The following THSD7B variants were observed in gnomAD, a reference collection of about 807,000 sequenced individuals.
THSD7B encodes thrombospondin type 1 domain containing 7B.
THSD7B carries 138 observed loss-of-function variants against 213.6 expected under a neutral mutation model. That is an observed-to-expected ratio of 0.65 (90% CI 0.56 to 0.74). The LOEUF is 0.74. THSD7B is among the 30% of genes least tolerant of loss of function. The pLI is 0.00. For missense variants in THSD7B, 1,931 were observed against 1,991.5 expected, an observed-to-expected ratio of 0.97 and a Z score of 0.58; for synonymous variants, 742 against 687.0, an observed-to-expected ratio of 1.08 and a Z score of -1.25.
chr2:136,935,173 TG>T (rs1684701327), intron 2 of THSD7B, among the ~76,000 whole-genome samples: 1 of 152,220 alleles, frequency 6.6e-6, no homozygotes, highest in Admixed American at 6.5e-5. Context: ...CCTTTTTTTC[TG>T]TGTTCAAATT....
intron 12 of THSD7B, among the ~76,000 whole-genome samples, chr2:137,319,501 T>G (rs900768317): frequency 1.3e-5 from 2 of 152,226 alleles, no homozygotes; most frequent in Non-Finnish European, 2.9e-5. Flanking sequence ...TGTCACACTA[T>G]TTATGTTCCC....
intron 5 of THSD7B, among the ~76,000 whole-genome samples, chr2:137,119,812 T>C (rs532266166): frequency 3.6e-4 from 55 of 152,298 alleles, no homozygotes; most frequent in African/African-American, 1.3e-3. Flanking sequence ...TCATATCCTA[T>C]GTGTAAATGT....
chr2:137,604,303 G>T (rs1356479658), intron 17 of THSD7B, among the ~76,000 whole-genome samples: 4 of 151,934 alleles, frequency 2.6e-5, no homozygotes, highest in African/African-American at 9.7e-5. Context: ...TCCTCTCTTT[G>T]AGCTATGTGA....
At chr2:137,645,839 T>C (rs1023453483) in intron 21 of THSD7B, among the ~76,000 whole-genome samples, 3 of 152,210 alleles carry the variant, frequency 2.0e-5, no homozygotes, top group Non-Finnish European at 2.9e-5. Context: ...TAGACAATTC[T>C]GCAATGAATC....
chr2:137,282,590 A>T (rs1302040584), intron 12 of THSD7B, among the ~76,000 whole-genome samples: 1 of 152,160 alleles, frequency 6.6e-6, no homozygotes, highest in East Asian at 1.9e-4. Flanking sequence ...TATAAGGTGT[A>T]AGGAAGGGAT....
chr2:137,484,123 C>A (rs1449862594), intron 15 of THSD7B, among the ~76,000 whole-genome samples: 1 of 150,000 alleles, frequency 6.7e-6, no homozygotes, highest in Non-Finnish European at 1.5e-5. Flanking sequence ...GCACCCATTA[C>A]CTCGTCATTT....
chr2:137,109,755 T>TTGCTCACCTGC (rs145636483), intron 4 of THSD7B, among the ~76,000 whole-genome samples: 3 of 151,646 alleles, frequency 2.0e-5, no homozygotes, highest in Non-Finnish European at 4.4e-5. Context: ...GAAGCTTCAC[T>TTGCTCACCTGC]TGCTCACCTG....
chr2:136,946,489 T>C (rs514543), intron 2 of THSD7B, among the ~76,000 whole-genome samples: 61,721 of 151,940 alleles, frequency 0.41, 14,779 homozygotes, highest in Non-Finnish European at 0.55. Context: ...TCAAACACTG[T>C]GCTGGGAGAA....
intron 12 of THSD7B, among the ~76,000 whole-genome samples, chr2:137,361,519 A>C (rs1167907713): frequency 6.6e-6 from 1 of 152,190 alleles, no homozygotes; most frequent in Non-Finnish European, 1.5e-5. Context: ...TAGAATAAAC[A>C]GTGTAGAGAA....
At chr2:137,022,329 G>C (rs1224153630) in intron 2 of THSD7B, among the ~76,000 whole-genome samples, 1 of 152,068 alleles carries the variant, frequency 6.6e-6, no homozygotes, top group Non-Finnish European at 1.5e-5. Flanking sequence ...CAGTTTCTCT[G>C]CATCTTTACA....
chr2:136,818,087 C>T (rs1466494245), intron 1 of THSD7B, among the ~76,000 whole-genome samples: 2 of 147,368 alleles, frequency 1.4e-5, no homozygotes, highest in Non-Finnish European at 1.5e-5. Context: ...GCTATAAAGA[C>T]ACATGCACAC....
rs868471916 is a variant in THSD7B at position 137,486,175 on chromosome 2, G to T, written c.3138+35152G>T. 7.5e-3 allele frequency among the ~76,000 whole-genome samples: 1,143 copies of T among 152,188 alleles called. 12 individuals are homozygous for T. The highest frequency in any genetic ancestry group is 0.026 in the African/African-American group (1,075 of 41,488). On this transcript the variant is annotated intron_variant, in intron 15 of 27. Coordinates refer to ENST00000409968, the MANE Select transcript of THSD7B (RefSeq NM_001316349.2). ...AACTTTAAATGTAAATGGACTAAAT[G>T]CTCCAATTAAAAGACACAGACTGGC...
chr2:137,083,412 CT>C (rs1200365923), intron 3 of THSD7B, among the ~76,000 whole-genome samples: 16 of 152,068 alleles, frequency 1.1e-4, no homozygotes, highest in African/African-American at 3.6e-4. Flanking sequence ...ATTTTTAAAA[CT>C]CTTATTCAAA....
intron 17 of THSD7B, among the ~76,000 whole-genome samples, chr2:137,610,880 A>G (rs1307256830): frequency 6.6e-6 from 1 of 151,842 alleles, no homozygotes; most frequent in Non-Finnish European, 1.5e-5. Flanking sequence ...AAACCGTTTC[A>G]TCTTATAGAG....
At chr2:136,780,489 T>G (rs971708247) in intron 1 of THSD7B, among the ~76,000 whole-genome samples, 2 of 152,246 alleles carry the variant, frequency 1.3e-5, no homozygotes, top group Non-Finnish European at 2.9e-5. Flanking sequence ...TTGTATTTTC[T>G]CTTTCTATCT....
chr2:137,293,770 C>A (rs1327417628), intron 12 of THSD7B, among the ~76,000 whole-genome samples: 3 of 152,104 alleles, frequency 2.0e-5, no homozygotes, highest in Non-Finnish European at 2.9e-5. Flanking sequence ...CTTCTTACTG[C>A]TGCCAATTTA....
chr2:137,047,873 A>G (rs969037668), intron 2 of THSD7B, among the ~76,000 whole-genome samples: 4 of 152,208 alleles, frequency 2.6e-5, no homozygotes, highest in Non-Finnish European at 5.9e-5. Context: ...TCAAGACTAT[A>G]TTTTAAGACT....
chr2:137,478,227 C>T (rs1688231452), intron 15 of THSD7B, among the ~76,000 whole-genome samples: 1 of 152,124 alleles, frequency 6.6e-6, no homozygotes, highest in Non-Finnish European at 1.5e-5. Flanking sequence ...CAAAAATTCA[C>T]TCTGTGGTGT....
intron 2 of THSD7B, among the ~76,000 whole-genome samples, chr2:136,945,538 TCTC>T (rs1396054118): frequency 6.6e-6 from 1 of 152,160 alleles, no homozygotes; most frequent in East Asian, 1.9e-4. Flanking sequence ...TTGGGAAAGT[TCTC>T]CTGGATAATA....
Sources: allele counts gnomAD v4.1 joint callset (sites outside exome capture counted in the v4.1 genomes callset), GRCh38; gene constraint gnomAD v4.1.1; transcripts MANE v1.5; gene names NCBI Gene and HGNC (gene_info 2026-07-23, HGNC 2026-07-21).